Variants in DENND1B observed in about 807,000 individuals in gnomAD.
DENND1B encodes DENN domain-containing protein 1B.
Under a neutral mutation model 90.1 loss-of-function variants are expected in DENND1B, and 59 were observed. The ratio of observed to expected loss-of-function variants is 0.65; its 90% CI spans 0.53 to 0.81. The LOEUF (loss-of-function observed/expected upper bound fraction) is 0.81. Ranked by LOEUF, DENND1B falls within the 40% of genes least tolerant of loss-of-function variation. The pLI, the probability that DENND1B is intolerant of heterozygous loss-of-function variation, is 0.00. For synonymous variants in DENND1B, 337 were observed against 324.6 expected (o/e 1.04, Z -0.41); for missense variants, 862 against 912.6 (o/e 0.94, Z 0.71).
intron 2 of DENND1B, among the ~76,000 whole-genome samples, chr1:197,756,696 A>G (rs1654347392): frequency 6.6e-6 from 1 of 151,696 alleles, no homozygotes; most frequent in South Asian, 2.1e-4. Flanking sequence ...CTAATAATAA[A>G]CTAATAATAA....
At chr1:197,747,339 T>C in intron 2 of DENND1B, 4 of 566,696 alleles carry the variant, frequency 7.1e-6, no homozygotes, top group Non-Finnish European at 1.3e-5. Flanking sequence ...GATGCTCCCA[T>C]CCTCTTTATC....
At chr1:197,672,293 T>C in intron 4 of DENND1B, 137 bp from the exon 5 acceptor site, 2 of 1,055,902 alleles carry the variant, frequency 1.9e-6, no homozygotes, top group Non-Finnish European at 2.7e-6. Context: ...AGAACTATGT[T>C]CTAAAACTAG....
chr1:197,703,868 T>C (rs1659272701), intron 3 of DENND1B, among the ~76,000 whole-genome samples: 1 of 152,178 alleles, frequency 6.6e-6, no homozygotes, highest in Non-Finnish European at 1.5e-5. Flanking sequence ...TTCACTCACA[T>C]AGAAAATTGT....
intron 2 of DENND1B, among the ~76,000 whole-genome samples, chr1:197,731,348 T>C (rs368998559): frequency 1.3e-5 from 2 of 152,296 alleles, no homozygotes; most frequent in East Asian, 3.9e-4. Context: ...TATGCTTATA[T>C]TTGTTGTATA....
chr1:197,605,432 T>G (rs1676584544), intron 13 of DENND1B: 1 of 151,064 alleles, frequency 6.6e-6, no homozygotes, highest in Non-Finnish European at 1.5e-5. Flanking sequence ...TGATTGAAGC[T>G]GCCTATAAAA....
chr1:197,690,177 A>G (rs1657714336), intron 3 of DENND1B: 1 of 290,580 alleles, frequency 3.4e-6, no homozygotes, highest in Admixed American at 3.8e-5. Context: ...TCCTAAGGAT[A>G]ATGTGGGCTT....
chr1:197,777,497 G>A (rs1486282548), upstream of DENND1B, among the ~76,000 whole-genome samples: 1 of 152,154 alleles, frequency 6.6e-6, no homozygotes, highest in Non-Finnish European at 1.5e-5. Context: ...TGATCTACAT[G>A]CATGAGGTGT....
chr1:197,645,573 A>C, intron 9 of DENND1B, 117 bp downstream of exon 9: 1 of 507,120 alleles, frequency 2.0e-6, no homozygotes, highest in Non-Finnish European at 3.3e-6. Context: ...TATTTCTCAC[A>C]AACACAGATA....
In DENND1B at chr1:197,760,795, CATT is replaced by C. The variant is rs149117610; in HGVS notation, c.82+12070_82+12072del. On this transcript the variant is annotated intron_variant, in intron 2 of 22. Coordinates refer to ENST00000620048, the MANE Select transcript of DENND1B (RefSeq NM_001195215.2). Reference sequence around the variant, plus strand: ...AAATTTAGAACAATGACATCTTAAACATTATACTGCGGGCTCATTTATGTCTTC... The same window carrying C: ...AAATTTAGAACAATGACATCTTAAACATACTGCGGGCTCATTTATGTCTTC... Among the ~76,000 whole-genome samples the C allele has an allele frequency of 4.6e-4, 70 of 152,142 alleles. 1 individual carries two copies. The East Asian group carries it at 0.013, about 27-fold the overall frequency.
intron 3 of DENND1B, chr1:197,689,760 A>C (rs910563777): frequency 3.3e-5 from 5 of 152,278 alleles, no homozygotes; most frequent in African/African-American, 1.2e-4. Context: ...AATTCAACAA[A>C]ACTTAAGGAG....
At chr1:197,607,038 A>C in intron 13 of DENND1B, 35 bp downstream of exon 13, 1 of 1,476,910 alleles carries the variant, frequency 6.8e-7, no homozygotes, top group Non-Finnish European at 9.4e-7. Context: ...AGGAGAAAAC[A>C]TATATGTTCA....
intron 13 of DENND1B, among the ~76,000 whole-genome samples, chr1:197,602,247 A>G (rs764137882): frequency 1.3e-5 from 2 of 151,560 alleles, no homozygotes; most frequent in Non-Finnish European, 3.0e-5. Flanking sequence ...AAAGAAGTGT[A>G]ATTATATTTC....
At chr1:197,767,750 GA>G (rs1655872741) in intron 2 of DENND1B, among the ~76,000 whole-genome samples, 1 of 152,062 alleles carries the variant, frequency 6.6e-6, no homozygotes, top group Non-Finnish European at 1.5e-5. Context: ...CAACCACAAA[GA>G]AAAAACTCAG....
rs1319532242 is a variant in DENND1B at position 197,507,751 on chromosome 1, G to A, written c.*2709C>T. The A allele has an allele frequency of 2.0e-5, 3 of 151,290 alleles. No homozygotes were observed. Among genetic ancestry groups the A allele is most frequent in the Admixed American group, 6.6e-5 (1 of 15,134 alleles). 9.4% of individuals were successfully genotyped at this position (151,290 alleles called of 1,614,324 possible). ...AGAATATAACACTTTCCTTTATTTC[G>A]GAACTCACCCAGTTTAATTTCATTC... is the stretch of plus-strand genomic sequence containing the variant. On this transcript the variant is annotated 3_prime_UTR_variant, in exon 23 of 23. Coordinates refer to ENST00000620048, the MANE Select transcript of DENND1B (RefSeq NM_001195215.2).
At chr1:197,748,021 G>A (rs952467652) in intron 2 of DENND1B, among the ~76,000 whole-genome samples, 3 of 152,136 alleles carry the variant, frequency 2.0e-5, no homozygotes, top group African/African-American at 7.2e-5. Context: ...CACAGTTGTT[G>A]ACACACAGCT....
intron 2 of DENND1B, among the ~76,000 whole-genome samples, chr1:197,727,359 C>G (rs1661733195): frequency 6.6e-6 from 1 of 151,904 alleles, no homozygotes; most frequent in Admixed American, 6.6e-5. Context: ...CACAGTGAAA[C>G]CCCATCTCTA....
intron 20 of DENND1B, among the ~76,000 whole-genome samples, chr1:197,537,087 T>A (rs1317401684): frequency 6.6e-6 from 1 of 151,904 alleles, no homozygotes; most frequent in African/African-American, 2.4e-5. Context: ...TATATTTACC[T>A]ATTTATATAA....
intron 16 of DENND1B, among the ~76,000 whole-genome samples, chr1:197,550,352 G>C (rs1558228962): frequency 1.3e-5 from 2 of 152,014 alleles, no homozygotes; most frequent in Non-Finnish European, 2.9e-5. Context: ...TGAGACTCTG[G>C]CCACTACTGG....
Position 197,510,922 on chromosome 1 carries a change from A to C in DENND1B, c.1866T>G (p.Gly622=). ...SENNLAFLCG[G]SGDQAEWNLG... ...GATTCCACTCTGCTTGGTCACCAGAACCACCACAGAGGAAAGCCAGGTTAT... is the reference window on the plus strand; with the variant it reads ...GATTCCACTCTGCTTGGTCACCAGACCCACCACAGAGGAAAGCCAGGTTAT... Residue 622 remains glycine, a synonymous_variant, in exon 23 of 23, where the codon GGT becomes GGG. Coordinates refer to ENST00000620048, the MANE Select transcript of DENND1B (RefSeq NM_001195215.2). 3 of 1,578,106 alleles carry C rather than the reference A, an allele frequency of 1.9e-6. No individual in the cohort carries two copies. Among genetic ancestry groups the C allele is most frequent in the African/African-American group, 1.4e-5 (1 of 73,342 alleles).
Sources: allele counts gnomAD v4.1 joint callset (sites outside exome capture counted in the v4.1 genomes callset), GRCh38; gene constraint gnomAD v4.1.1; transcripts MANE v1.5; gene names NCBI Gene and HGNC (gene_info 2026-07-23, HGNC 2026-07-21).